Variants in DNASE2 observed in about 807,000 individuals in gnomAD.
The protein encoded by DNASE2 is deoxyribonuclease 2, lysosomal, also known as deoxyribonuclease-2-alpha.
In DNASE2, 26 loss-of-function variants were observed where a neutral mutation model predicts 29.8. That is an observed-to-expected ratio of 0.87 (90% CI 0.64 to 1.21). DNASE2 has a LOEUF of 1.21. DNASE2 is among the 50% of genes most tolerant of loss of function. The probability of loss-of-function intolerance (pLI) is 0.00; values close to 1 mark genes in which losing one functional copy is unlikely to be tolerated. For synonymous variants in DNASE2, 186 were observed against 193.5 expected, an observed-to-expected ratio of 0.96 and a Z score of 0.32; for missense variants, 415 against 455.6, an observed-to-expected ratio of 0.91 and a Z score of 0.81.
At chr19:12,876,486 G>A (rs1970322891) in intron 5 of DNASE2, 123 bp from the exon 6 acceptor site, 6 of 1,371,788 alleles carry the variant, frequency 4.4e-6, no homozygotes, top group Non-Finnish European at 5.8e-6. Flanking sequence ...TTGACATGGA[G>A]TCTTGCTCTG....
rs147756222 is a variant in DNASE2, at chr19:12,876,230, G to A, written c.843C>T (p.Phe281=). ...TGAAGCTTGGGCCGGCTGGTCCAGG[G>A]AAAGCTATCTGGTTCACATTCAGAA... ...WQVLNVNQIA[F]PGPAGPSFNS... Residue 281 remains phenylalanine (F), a synonymous_variant, in exon 6 of 6, where the codon TTC becomes TTT. Transcript: ENST00000222219. 2,491 of 1,614,198 alleles carry A rather than the reference G, an allele frequency of 1.5e-3. 29 individuals carry two copies. The African/African-American group carries it at 0.029, about 19-fold the overall frequency.
intron 3 of DNASE2, among the ~76,000 whole-genome samples, chr19:12,880,061 C>T (rs983852544): frequency 2.2e-5 from 3 of 139,408 alleles, no homozygotes; most frequent in Non-Finnish European, 4.5e-5. Flanking sequence ...GCTGAGATTG[C>T]ACCACCGAAC....
intron 5 of DNASE2, among the ~76,000 whole-genome samples, 178 bp from the exon 6 acceptor site, chr19:12,876,541 C>T (rs1348671982): frequency 1.4e-5 from 2 of 147,366 alleles, no homozygotes; most frequent in African/African-American, 5.1e-5. Context: ...CTCATTGCAA[C>T]CTCTGCCTCC....
intron 3 of DNASE2, among the ~76,000 whole-genome samples, chr19:12,879,505 G>T (rs1041160229): frequency 8.1e-6 from 1 of 123,460 alleles, no homozygotes; most frequent in Non-Finnish European, 1.7e-5. Context: ...AAAAAAAAAA[G>T]GCAATTAGAG....
At chr19:12,878,085 G>A (rs1032408047) in intron 5 of DNASE2, 4 of 422,476 alleles carry the variant, frequency 9.5e-6, no homozygotes, top group Non-Finnish European at 1.8e-5. Flanking sequence ...AAGTAACTGG[G>A]ATTACAGGAG....
Position 12,875,703 on chromosome 19 carries a change from C to G in DNASE2, c.*287G>C. 1 of 317,240 alleles carries G rather than the reference C, an allele frequency of 3.2e-6. No individual in the cohort carries two copies. The highest frequency in any genetic ancestry group is 3.2e-5 in the South Asian group (1 of 31,030). The allele number at this position is 317,240 out of a possible 1,614,324, so 19.7% of individuals were successfully genotyped here. On this transcript the variant is annotated 3_prime_UTR_variant, in exon 6 of 6. Coordinates refer to ENST00000222219, the MANE Select transcript of DNASE2 (RefSeq NM_001375.3). The stretch of plus-strand genomic sequence containing the variant: ...GCCACTGCACCCACCCGTCCCCCGC[C>G]CCCCCTTTTTTTTTGAAACAGAGTC...
chr19:12,881,275 C>G lies in DNASE2; in HGVS notation c.86+15G>C, dbSNP rs1010033972. 1.0e-5 allele frequency: 16 copies of G among 1,580,534 alleles called. No individual in the cohort carries two copies. In the Admixed American group the frequency reaches 2.6e-4, roughly 26 times the overall value. On this transcript the variant is annotated intron_variant, in intron 1 of 5. Transcript: ENST00000222219. ...GGACCCCGGGGCGATGGTAGGCCCC[C>G]CGCTGCGCACTCACCAGTCTACAGG...
chr19:12,876,367 C>A lies in DNASE2; in HGVS notation c.710-4G>T, dbSNP rs1444165968. On this transcript the variant is annotated splice_region_variant and splice_polypyrimidine_tract_variant and intron_variant, in intron 5 of 5. Coordinates refer to ENST00000222219, the MANE Select transcript of DNASE2 (RefSeq NM_001375.3). The stretch of plus-strand genomic sequence containing the variant: ...GCCAACCAGCCGGAGTACAGGTCTG[C>A]AAAGGATGGAGAGAGGGCACAGGTA... The A allele has an allele frequency of 1.9e-6, 3 of 1,611,110 alleles. No homozygotes were observed. The highest frequency in any genetic ancestry group is 2.5e-6 in the Non-Finnish European group (3 of 1,179,948).
At chr19:12,876,756 T>C (rs1970326220) in intron 5 of DNASE2, among the ~76,000 whole-genome samples, 1 of 151,822 alleles carries the variant, frequency 6.6e-6, no homozygotes, top group South Asian at 2.1e-4. Flanking sequence ...CCTGCCACAG[T>C]TTCCATATTT....
At position 12,875,849 on chromosome 19, in the gene DNASE2, T is replaced by A; in HGVS notation, c.*141A>T. 1 of 1,135,022 alleles carries A rather than the reference T, an allele frequency of 8.8e-7. No homozygotes were observed. Among genetic ancestry groups the A allele is most frequent in the South Asian group, 1.5e-5 (1 of 64,578 alleles). 70.3% of individuals were successfully genotyped at this position (1,135,022 alleles called of 1,614,324 possible). ...GCATTTATCACCGTGCCTGGCTAAC[T>A]TTTTTTAAGTTCTAGTAGAGATGTG... On this transcript the variant is annotated 3_prime_UTR_variant, in exon 6 of 6. Transcript: ENST00000222219.
chr19:12,876,362 G>T lies in DNASE2; in HGVS notation c.711C>A (p.Asp237Glu), dbSNP rs1599596058. The change falls in exon 6 of 6, where the codon GAC becomes GAA. Residue 237 changes from aspartate (D) to glutamate (E), a missense_variant and splice_region_variant. Asp to Glu is a conservative substitution (Grantham distance 45). Transcript: ENST00000222219. ...SFAKFSKFGD[D>E]LYSGWLAAAL... ...CTGCTGCCAACCAGCCGGAGTACAG[G>T]TCTGCAAAGGATGGAGAGAGGGCAC... 6.2e-7 allele frequency: 1 copy of T among 1,611,858 alleles called. No individual in the cohort carries two copies.
rs375732425 is a variant in DNASE2, at chr19:12,878,421, C to G, written c.670G>C (p.Val224Leu). Residue 224 changes from valine (V) to leucine (L), a missense_variant, in exon 5 of 6, where the codon GTT (valine) becomes CTT (leucine). Coordinates refer to ENST00000222219, the MANE Select transcript of DNASE2 (RefSeq NM_001375.3). ...CTGAACTTGGCAAAGCTCTGGAAAA[C>G]AGCCCCGGCCTGGGATGTGAGTGTG... is the stretch of plus-strand genomic sequence containing the variant. ...SITLTSQAGA[V>L]FQSFAKFSKF... is the part of the protein sequence containing the mutation. 6.2e-7 allele frequency: 1 copy of G among 1,613,326 alleles called. No homozygotes were observed. The highest frequency in any genetic ancestry group is 2.2e-5 in the East Asian group (1 of 44,884).
In DNASE2 at chr19:12,878,369, C is replaced by T; in HGVS notation, c.709+13G>A. Reference sequence around the variant, plus strand: ...AGAGAAGGAGCTCTCCAACCCTCAACCTTGAGACTCACCATCTCCAAATTT... The same window carrying T: ...AGAGAAGGAGCTCTCCAACCCTCAATCTTGAGACTCACCATCTCCAAATTT... On this transcript the variant is annotated intron_variant, in intron 5 of 5. Transcript: ENST00000222219. The T allele has an allele frequency of 1.9e-6, 3 of 1,612,344 alleles. No individual in the cohort carries two copies. The highest frequency in any genetic ancestry group is 8.5e-7 in the Non-Finnish European group (1 of 1,180,026).
rs1275695105 is a variant in DNASE2, at chr19:12,875,275, A to T, written c.*715T>A. On this transcript the variant is annotated 3_prime_UTR_variant, in exon 6 of 6. Transcript: ENST00000222219. ...GCAGGTATTATGTTTCCCATTTTGC[A>T]GACAGGTAGACTGTGTCACAGAGCG... 8.1e-6 allele frequency: 2 copies of T among 247,920 alleles called. No homozygotes were observed. Among genetic ancestry groups the T allele is most frequent in the Non-Finnish European group, 1.6e-5 (2 of 124,050 alleles). 15.4% of individuals were successfully genotyped at this position (247,920 alleles called of 1,614,324 possible).
At position 12,880,824 on chromosome 19, in the gene DNASE2, A is replaced by G. The variant is rs1389245633; in HGVS notation, c.324T>C (p.Ser108=). ...CACCCTTCGTGTGCCCACGCATGGA[A>G]GAGTCCTGAGCCTTGCTGGGTTGAG... ...QPPQPSKAQD[S]SMRGHTKGVL... The change falls in exon 3 of 6, where the codon TCT becomes TCC. Residue 108 remains serine, a synonymous_variant. Coordinates refer to ENST00000222219, the MANE Select transcript of DNASE2 (RefSeq NM_001375.3). 1.2e-6 allele frequency: 2 copies of G among 1,614,202 alleles called. No individual in the cohort carries two copies. The highest frequency in any genetic ancestry group is 2.2e-5 in the South Asian group (2 of 91,084).
Position 12,878,228 on chromosome 19 carries a change from A to C in DNASE2, c.709+154T>G. 1.1e-5 allele frequency: 10 copies of C among 947,548 alleles called. No homozygotes were observed. The South Asian group carries it at 1.4e-4, about 13-fold the overall frequency. 58.7% of individuals were successfully genotyped at this position (947,548 alleles called of 1,614,324 possible). On this transcript the variant is annotated intron_variant, in intron 5 of 5. Coordinates refer to ENST00000222219, the MANE Select transcript of DNASE2 (RefSeq NM_001375.3). ...GGTGAAGTTATACATCACACAGCAA[A>C]ACCCAGGGTTTGAACCCAGGTCTGT...
chr19:12,875,738 G>T lies in DNASE2; in HGVS notation c.*252C>A. ...TTTTTGAAACAGAGTCTTGCTATGT[G>T]ACCCAGGTTGGCGTAATCATAGTTC... On this transcript the variant is annotated 3_prime_UTR_variant, in exon 6 of 6. Coordinates refer to ENST00000222219, the MANE Select transcript of DNASE2 (RefSeq NM_001375.3). The T allele has an allele frequency of 4.7e-5, 13 of 276,644 alleles. No individual in the cohort carries two copies. Among genetic ancestry groups the T allele is most frequent in the South Asian group, 8.0e-5 (2 of 25,062 alleles). The allele number at this position is 276,644 out of a possible 1,614,324, so 17.1% of individuals were successfully genotyped here.
rs1307952010 is a variant in DNASE2 at position 12,876,261 on chromosome 19, C to T, written c.812G>A (p.Trp271Ter). Residue 271 changes from tryptophan to a stop codon, truncating the protein, a stop_gained, in exon 6 of 6, where the codon TGG (tryptophan) becomes TAG (stop). Coordinates refer to ENST00000222219, the MANE Select transcript of DNASE2 (RefSeq NM_001375.3). LOFTEE classifies it low-confidence loss of function (END_TRUNC). ...TATCTGGTTCACATTCAGAACCTGCCAGATATCCGAGCAGTTAGAGGGCAG... is the reference window on the plus strand; with the variant it reads ...TATCTGGTTCACATTCAGAACCTGCTAGATATCCGAGCAGTTAGAGGGCAG... ...GILPSNCSDI[W>*]QVLNVNQIAF... 4.3e-6 allele frequency: 7 copies of T among 1,614,008 alleles called. No individual in the cohort carries two copies. Among genetic ancestry groups the T allele is most frequent in the African/African-American group, 2.7e-5 (2 of 74,896 alleles).
At position 12,881,073 on chromosome 19, in the gene DNASE2, C is replaced by A; in HGVS notation, c.166G>T (p.Glu56Ter). Residue 56 changes from glutamate to a stop codon, truncating the protein, a stop_gained, in exon 2 of 6, where the codon GAG becomes TAG. Transcript: ENST00000222219. LOFTEE classifies it high-confidence loss of function. ...CCGTCCCGCCAGCCTCCGGAGCTCT[C>A]GTCCAGATACTTGTACTGCAGCCCT... is the stretch of plus-strand genomic sequence containing the variant. ...QRGLQYKYLD[E>*]SSGGWRDGRA... 2 of 1,612,662 alleles carry A rather than the reference C, an allele frequency of 1.2e-6. No homozygotes were observed. The highest frequency in any genetic ancestry group is 1.7e-6 in the Non-Finnish European group (2 of 1,180,000).
Sources: allele counts gnomAD v4.1 joint callset (sites outside exome capture counted in the v4.1 genomes callset), GRCh38; gene constraint gnomAD v4.1.1; transcripts MANE v1.5; gene names NCBI Gene and HGNC (gene_info 2026-07-23, HGNC 2026-07-21).